Variants in PPM1H observed in about 807,000 individuals in gnomAD.
PPM1H encodes the protein protein phosphatase, Mg2+/Mn2+ dependent 1H.
A neutral mutation model predicts 54.9 loss-of-function variants in PPM1H; 27 were observed. The observed-to-expected ratio is 0.49, with a 90% confidence interval of 0.36 to 0.68. The LOEUF (loss-of-function observed/expected upper bound fraction) is 0.68. PPM1H is among the 30% of genes least tolerant of loss of function. The pLI is 0.00. For missense variants in PPM1H, 596 were observed against 667.8 expected, an observed-to-expected ratio of 0.89 and a Z score of 1.19; for synonymous variants, 305 against 270.8, an observed-to-expected ratio of 1.13 and a Z score of -1.24.
At chr12:62,736,107 A>T (rs1417250513) in intron 5 of PPM1H, among the ~76,000 whole-genome samples, 1 of 152,202 alleles carries the variant, frequency 6.6e-6, no homozygotes, top group Non-Finnish European at 1.5e-5. Context: ...TCACTTGGAT[A>T]GCCTTGTGGA....
At chr12:62,852,907 C>T (rs1325015705) in intron 1 of PPM1H, among the ~76,000 whole-genome samples, 2 of 152,206 alleles carry the variant, frequency 1.3e-5, no homozygotes, top group African/African-American at 2.4e-5. Context: ...CTAACTAAGC[C>T]TTTAAGCATA....
chr12:62,787,632 C>A (rs1389839617), intron 4 of PPM1H, among the ~76,000 whole-genome samples: 1 of 152,110 alleles, frequency 6.6e-6, no homozygotes, highest in African/African-American at 2.4e-5. Flanking sequence ...CTAGCTTGGG[C>A]AACATAGTGA....
At chr12:62,758,342 C>T (rs1565779984) in intron 4 of PPM1H, among the ~76,000 whole-genome samples, 1 of 152,198 alleles carries the variant, frequency 6.6e-6, no homozygotes, top group African/African-American at 2.4e-5. Flanking sequence ...TGCAAACTAT[C>T]TCAGCATGAT....
At chr12:62,831,697 TTG>T (rs1225248619) in intron 2 of PPM1H, among the ~76,000 whole-genome samples, 1 of 149,470 alleles carries the variant, frequency 6.7e-6, no homozygotes, top group Non-Finnish European at 1.5e-5. Flanking sequence ...CCGTCAAACA[TTG>T]TGTGTGTATG....
rs1192843348 is a variant in PPM1H at position 62,694,045 on chromosome 12, G to A, written c.1074-46C>T. 3.3e-6 allele frequency: 5 copies of A among 1,528,882 alleles called. No individual in the cohort carries two copies. The South Asian group carries it at 4.7e-5, about 14-fold the overall frequency. 94.7% of individuals were successfully genotyped at this position (1,528,882 alleles called of 1,614,324 possible). A position where few individuals can be genotyped will look rare whatever the true frequency, so the allele number is the denominator to read the frequency against. On this transcript the variant is annotated intron_variant, in intron 6 of 9. Coordinates refer to ENST00000228705, the MANE Select transcript of PPM1H (RefSeq NM_020700.2). ...TTTAAAAAAGGTTTGCACTCAATTA[G>A]TGACCTGCTGCCCTGACACCGACTG...
chr12:62,712,774 T>C, intron 6 of PPM1H, among the ~76,000 whole-genome samples: 1 of 152,198 alleles, frequency 6.6e-6, no homozygotes, highest in Non-Finnish European at 1.5e-5. Flanking sequence ...AGAGGGACAC[T>C]GTCCCTTTAA....
intron 6 of PPM1H, among the ~76,000 whole-genome samples, chr12:62,710,074 CAAAA>C (rs1241521556): frequency 1.4e-5 from 2 of 144,158 alleles, no homozygotes; most frequent in African/African-American, 2.5e-5. Flanking sequence ...AACTCCGTCT[CAAAA>C]AAAAAAGCCA....
intron 1 of PPM1H, among the ~76,000 whole-genome samples, chr12:62,854,387 G>T (rs1565810408): frequency 6.6e-6 from 1 of 151,952 alleles, no homozygotes; most frequent in African/African-American, 2.4e-5. Context: ...GAAAAGTAAC[G>T]CATCTGACAC....
intron 8 of PPM1H, among the ~76,000 whole-genome samples, chr12:62,686,900 C>T (rs948236193): frequency 3.9e-5 from 6 of 152,128 alleles, no homozygotes; most frequent in Non-Finnish European, 5.9e-5. Context: ...CTCCCTGGCT[C>T]ACAGCTCCGC....
chr12:62,731,984 C>G (rs17098245), intron 5 of PPM1H, among the ~76,000 whole-genome samples: 2,203 of 152,288 alleles, frequency 0.014, 139 homozygotes, highest in Admixed American at 0.1. Context: ...TCCCTCCTAT[C>G]TGAGCCTTGA....
chr12:62,907,429 G>A (rs929479083), intron 1 of PPM1H, among the ~76,000 whole-genome samples: 2 of 152,140 alleles, frequency 1.3e-5, no homozygotes, highest in African/African-American at 2.4e-5. Flanking sequence ...CTGTGTTCAG[G>A]TTTGCCACCA....
intron 4 of PPM1H, among the ~76,000 whole-genome samples, chr12:62,757,312 A>G (rs564221150): frequency 6.6e-6 from 1 of 152,312 alleles, no homozygotes; most frequent in African/African-American, 2.4e-5. Flanking sequence ...AGTTATGCCA[A>G]AAGTGGAAAC....
intron 2 of PPM1H, among the ~76,000 whole-genome samples, chr12:62,806,990 C>T (rs553266165): frequency 6.6e-6 from 1 of 152,216 alleles, no homozygotes; most frequent in East Asian, 1.9e-4. Context: ...GAGGACTAGG[C>T]TGAGGATGCA....
chr12:62,760,775 C>G (rs1159078787), intron 4 of PPM1H, among the ~76,000 whole-genome samples: 1 of 152,134 alleles, frequency 6.6e-6, no homozygotes, highest in Non-Finnish European at 1.5e-5. Flanking sequence ...AGGCCAATTC[C>G]CAGAATGACT....
intron 1 of PPM1H, among the ~76,000 whole-genome samples, chr12:62,885,302 T>C (rs112739130): frequency 6.6e-6 from 1 of 152,112 alleles, no homozygotes; most frequent in East Asian, 1.9e-4. Context: ...TGGCTATTGG[T>C]CTCAGCTCCT....
chr12:62,869,262 A>G (rs185644933), intron 1 of PPM1H, among the ~76,000 whole-genome samples: 2 of 152,336 alleles, frequency 1.3e-5, no homozygotes, highest in Non-Finnish European at 2.9e-5. Context: ...ATAATGTTTT[A>G]GTACTCTTAT....
chr12:62,798,217 G>A (rs1423640979), intron 3 of PPM1H, among the ~76,000 whole-genome samples: 1 of 152,168 alleles, frequency 6.6e-6, no homozygotes, highest in African/African-American at 2.4e-5. Context: ...AAAGTGGGCC[G>A]GAGGGGAAAG....
chr12:62,866,402 G>A (rs936068874), intron 1 of PPM1H, among the ~76,000 whole-genome samples: 44 of 152,148 alleles, frequency 2.9e-4, no homozygotes, highest in African/African-American at 1.0e-3. Context: ...CTAAGTGTGG[G>A]CAAGACTTAA....
intron 2 of PPM1H, among the ~76,000 whole-genome samples, chr12:62,804,832 C>T (rs983390856): frequency 6.6e-6 from 1 of 150,914 alleles, no homozygotes; most frequent in Non-Finnish European, 1.5e-5. Flanking sequence ...CCCGCCACTA[C>T]GCCCGGCTAA....
Sources: gnomAD v4.1 joint callset for allele counts (sites outside exome capture counted in the v4.1 genomes callset) on GRCh38, gnomAD v4.1.1 for gene constraint, MANE v1.5 for transcripts, NCBI Gene and HGNC (gene_info 2026-07-23, HGNC 2026-07-21) for gene names.